Variants in SCUBE2 observed in about 807,000 individuals in gnomAD.
The protein encoded by SCUBE2 is signal peptide, CUB and EGF-like domain-containing protein 2.
In SCUBE2, 114 loss-of-function variants were observed where a neutral mutation model predicts 125.9. The observed-to-expected ratio is 0.91, with a 90% CI of 0.78 to 1.06. The LOEUF is 1.06. SCUBE2 is among the 50% of genes least tolerant of loss of function. The pLI, the probability that SCUBE2 is intolerant of heterozygous loss-of-function variation, is 0.00. For missense variants in SCUBE2, 1,255 were observed against 1,301.8 expected, an observed-to-expected ratio of 0.96 and a Z score of 0.55; for synonymous variants, 459 against 492.9, an observed-to-expected ratio of 0.93 and a Z score of 0.91.
intron 3 of SCUBE2, among the ~76,000 whole-genome samples, chr11:9,076,886 C>A (rs1228603884): frequency 2.0e-5 from 3 of 152,278 alleles, no homozygotes; most frequent in Admixed American, 6.5e-5. Flanking sequence ...ATGAGCCGTG[C>A]TGGAACACAC....
At chr11:9,065,362 G>A (rs1164565463) in intron 7 of SCUBE2, among the ~76,000 whole-genome samples, 1 of 152,122 alleles carries the variant, frequency 6.6e-6, no homozygotes, top group Non-Finnish European at 1.5e-5. Context: ...GTGTTTGGTA[G>A]TTCCTCCTGC....
chr11:9,024,308 G>C (rs1009704647), intron 21 of SCUBE2: 7 of 1,188,060 alleles, frequency 5.9e-6, no homozygotes, highest in Middle Eastern at 4.7e-4. Context: ...GGGTAGATGA[G>C]GCTCTCTGTC....
intron 2 of SCUBE2, 70 bp downstream of exon 2, chr11:9,089,637 T>C (rs778574846): frequency 2.1e-5 from 32 of 1,551,466 alleles, no homozygotes; most frequent in Middle Eastern, 1.7e-4. Flanking sequence ...CCAACATAAG[T>C]GGCCACTGCA....
chr11:9,074,416 G>A (rs1861049822), intron 4 of SCUBE2, 65 bp downstream of exon 4: 3 of 1,580,710 alleles, frequency 1.9e-6, no homozygotes, highest in Non-Finnish European at 1.7e-6. Context: ...CAGTGTGTGT[G>A]TGCGCGTGCA....
At chr11:9,067,169 T>C (rs1476067424) in intron 5 of SCUBE2, among the ~76,000 whole-genome samples, 1 of 152,204 alleles carries the variant, frequency 6.6e-6, no homozygotes, top group African/African-American at 2.4e-5. Flanking sequence ...ACAGCTGTAC[T>C]GGGGCTTTGG....
rs780016555 is a variant in SCUBE2, at chr11:9,055,830, GT to G, written c.1169del (p.Asn390ThrfsTer30). 14 of 1,614,072 alleles carry G rather than the reference GT, an allele frequency of 8.7e-6. No individual in the cohort carries two copies. The highest frequency in any genetic ancestry group is 1.1e-5 in the Non-Finnish European group (13 of 1,180,046). On this transcript the variant is annotated frameshift_variant, in exon 10 of 23. Coordinates refer to ENST00000649792, the MANE Select transcript of SCUBE2 (RefSeq NM_001367977.2). LOFTEE classifies it high-confidence loss of function. ...NHPGTFACACNRGYTLYGFTH... is the reference protein window; with the variant it reads ...NHPGTFACACXRGYTLYGFTH... The stretch of plus-strand genomic sequence containing the variant: ...TGAAGCCATACAGGGTGTACCCTCG[GT>G]TGCAAGCACAAGCAAATGTGCCAGG...
Position 9,084,541 on chromosome 11 carries a change from T to C in SCUBE2, c.257-5032A>G, listed in dbSNP as rs187166460. 3.3e-5 allele frequency among the ~76,000 whole-genome samples: 5 copies of C among 151,408 alleles called. No homozygotes were observed. In the East Asian group the frequency reaches 9.7e-4, roughly 29 times the overall value. ...CTATTGCAAAGGGGAAAAAAAAATATATAGTAATTTTGTAGCAGAGAAAAC... is the reference window on the plus strand; with the variant it reads ...CTATTGCAAAGGGGAAAAAAAAATACATAGTAATTTTGTAGCAGAGAAAAC... On this transcript the variant is annotated intron_variant, in intron 2 of 22. Transcript: ENST00000649792.
chr11:9,064,449 C>T (rs1860002472), intron 7 of SCUBE2: 1 of 130,980 alleles, frequency 7.6e-6, no homozygotes, highest in Non-Finnish European at 1.6e-5. Flanking sequence ...CTGGGGGCAA[C>T]AGAGTGAGAC....
chr11:9,047,256 G>A (rs1395243668), intron 16 of SCUBE2, 100 bp downstream of exon 16: 1 of 1,187,628 alleles, frequency 8.4e-7, no homozygotes, highest in Admixed American at 1.9e-5. Context: ...TCTAAAGTGA[G>A]CCCTGAGAAG....
rs1427641367 is a variant in SCUBE2 at position 9,059,403 on chromosome 11, G to T, written c.990C>A (p.Arg330=). ...TGCAGAAATGATCACAACCTCCATT[G>T]CGGGTCTGGCACTCATCAATATCTG... ...TCKDIDECQT[R]NGGCDHFCKN... The change falls in exon 9 of 23, where the codon CGC becomes CGA. Residue 330 remains arginine (R), a synonymous_variant. Transcript: ENST00000649792. 1 of 1,614,046 alleles carries T rather than the reference G, an allele frequency of 6.2e-7. No individual in the cohort carries two copies. Among genetic ancestry groups the T allele is most frequent in the African/African-American group, 1.3e-5 (1 of 74,926 alleles).
chr11:9,052,880 C>CT, intron 12 of SCUBE2, 48 bp from the exon 13 acceptor site: 1 of 1,431,238 alleles, frequency 7.0e-7, no homozygotes, highest in Non-Finnish European at 9.5e-7. Context: ...AGGTCACAGG[C>CT]TATCCTGGTA....
In SCUBE2 at chr11:9,074,465, A is replaced by T; in HGVS notation, c.517+16T>A. The T allele has an allele frequency of 1.2e-6, 2 of 1,613,908 alleles. No individual in the cohort carries two copies. Among genetic ancestry groups the T allele is most frequent in the Non-Finnish European group, 1.7e-6 (2 of 1,179,852 alleles). ...CAGATGTGGCTCTGCCCCCATCCAC[A>T]GCTGGGCAGAGGTACCTTCCGAGCG... is the stretch of plus-strand genomic sequence containing the variant. On this transcript the variant is annotated intron_variant, in intron 4 of 22. Coordinates refer to ENST00000649792, the MANE Select transcript of SCUBE2 (RefSeq NM_001367977.2).
intron 14 of SCUBE2, among the ~76,000 whole-genome samples, chr11:9,049,447 T>C (rs1378755945): frequency 2.0e-5 from 3 of 152,074 alleles, no homozygotes; most frequent in Non-Finnish European, 4.4e-5. Flanking sequence ...GGTTTTGTCA[T>C]GTTACCCAGG....
At chr11:9,046,006 T>C (rs932232931) in intron 16 of SCUBE2, among the ~76,000 whole-genome samples, 96 of 143,522 alleles carry the variant, frequency 6.7e-4, no homozygotes, top group Non-Finnish European at 1.2e-3. Flanking sequence ...TCTTTCTTTT[T>C]TTTTTTTTTT....
chr11:9,027,166 C>A, intron 20 of SCUBE2, 198 bp downstream of exon 20: 1 of 598,850 alleles, frequency 1.7e-6, no homozygotes. Flanking sequence ...GGATCACTAC[C>A]TCTGGGGCCC....
chr11:9,054,714 TATATATA>T (rs1858849802), intron 10 of SCUBE2, among the ~76,000 whole-genome samples: 1 of 78,830 alleles, frequency 1.3e-5, no homozygotes, highest in Non-Finnish European at 2.6e-5. Flanking sequence ...TATATATATA[TATATATA>T]TATATTTTTT....
intron 17 of SCUBE2, among the ~76,000 whole-genome samples, chr11:9,033,033 C>T (rs1856448026): frequency 6.6e-6 from 1 of 152,144 alleles, no homozygotes; most frequent in Non-Finnish European, 1.5e-5. Flanking sequence ...ATCACACCTG[C>T]CATTGGAGCC....
At chr11:9,083,973 A>G (rs972984738) in intron 2 of SCUBE2, among the ~76,000 whole-genome samples, 2 of 152,232 alleles carry the variant, frequency 1.3e-5, no homozygotes, top group African/African-American at 2.4e-5. Context: ...GTATGCGTAC[A>G]TGTATTTCCC....
At chr11:9,059,766 T>C (rs1290788608) in intron 8 of SCUBE2, 1 of 214,884 alleles carries the variant, frequency 4.7e-6, no homozygotes, top group Admixed American at 5.5e-5. Context: ...TAGTACACTA[T>C]GTATTCAAGT....
Sources: gnomAD v4.1 joint callset for allele counts (sites outside exome capture counted in the v4.1 genomes callset) on GRCh38, gnomAD v4.1.1 for gene constraint, MANE v1.5 for transcripts, NCBI Gene and HGNC (gene_info 2026-07-23, HGNC 2026-07-21) for gene names.